CTNNA3: variants seen among roughly 807,000 people sequenced by gnomAD.
The protein encoded by CTNNA3 is catenin alpha 3.
In CTNNA3, 76 loss-of-function variants were observed where a neutral mutation model predicts 95.7. The ratio of observed to expected loss-of-function variants is 0.79; its 90% CI spans 0.66 to 0.96. The LOEUF (loss-of-function observed/expected upper bound fraction) is 0.96, where lower values mean the gene tolerates loss of function less well. Among genes scored for constraint, CTNNA3 ranks in the 40% least tolerant of loss-of-function variants. CTNNA3 has a pLI of 0.00. For synonymous variants in CTNNA3, 431 were observed against 374.4 expected (o/e 1.15, Z -1.74); for missense variants, 1,191 against 1,089.8 (o/e 1.09, Z -1.31).
At position 66,385,668 on chromosome 10, in the gene CTNNA3, T is replaced by G. The variant is rs904155320; in HGVS notation, c.1532-6316A>C. Among the ~76,000 whole-genome samples, 16 of 152,300 alleles carry G rather than the reference T, an allele frequency of 1.1e-4. No homozygotes were observed. The East Asian group carries it at 3.1e-3, about 29-fold the overall frequency. ...GAGAATTTTAGATCAATATCCCTGA[T>G]GAAGATTGATGTGAAAATCCTTAGT... On this transcript the variant is annotated intron_variant, in intron 11 of 17. Coordinates refer to ENST00000433211, the MANE Select transcript of CTNNA3 (RefSeq NM_013266.4).
intron 10 of CTNNA3, among the ~76,000 whole-genome samples, chr10:66,522,160 T>C (rs551484518): frequency 6.6e-6 from 1 of 152,240 alleles, no homozygotes; most frequent in South Asian, 2.1e-4. Flanking sequence ...TTCAACATCA[T>C]CTCATCTCTT....
intron 12 of CTNNA3, among the ~76,000 whole-genome samples, chr10:66,343,750 T>C (rs1294120176): frequency 6.6e-6 from 1 of 152,178 alleles, no homozygotes. Context: ...AAAGAAACGA[T>C]AAATCTTTGA....
intron 7 of CTNNA3, among the ~76,000 whole-genome samples, chr10:67,137,303 T>C (rs969661638): frequency 5.8e-5 from 6 of 103,136 alleles, no homozygotes; most frequent in African/African-American, 3.1e-4. Flanking sequence ...TTGTTGCATT[T>C]TCTGTATTAA....
At chr10:67,629,261 T>C (rs1008087624) in intron 2 of CTNNA3, among the ~76,000 whole-genome samples, 7 of 152,186 alleles carry the variant, frequency 4.6e-5, no homozygotes, top group African/African-American at 1.4e-4. Flanking sequence ...CTTTTCTCAA[T>C]TGATTTTTCA....
At chr10:66,690,475 G>T (rs10997308) in intron 9 of CTNNA3, among the ~76,000 whole-genome samples, 1 of 122,328 alleles carries the variant, frequency 8.2e-6, no homozygotes, top group African/African-American at 3.0e-5. Context: ...TCCCTCCCCC[G>T]TCCCCCCACC....
At chr10:66,680,402 A>T (rs374848182) in intron 9 of CTNNA3, among the ~76,000 whole-genome samples, 2 of 152,096 alleles carry the variant, frequency 1.3e-5, no homozygotes, top group South Asian at 2.1e-4. Context: ...ATATCCATCA[A>T]TGTAAGGTGA....
In CTNNA3 at chr10:66,992,553, A is replaced by G. The variant is rs78927571; in HGVS notation, c.1047+187764T>C. Among the ~76,000 whole-genome samples the G allele has an allele frequency of 6.2e-3, 947 of 152,042 alleles. 8 individuals carry two copies. Among genetic ancestry groups the G allele is most frequent in the African/African-American group, 0.022 (904 of 41,464 alleles). On this transcript the variant is annotated intron_variant, in intron 7 of 17. Transcript: ENST00000433211. ...TGTCCTTTACTTTTTTTTTAATGGCAACAGAAATTTAAATTCTAATGAATA... is the reference window on the plus strand; with the variant it reads ...TGTCCTTTACTTTTTTTTTAATGGCGACAGAAATTTAAATTCTAATGAATA...
chr10:67,751,192 C>T, intron 1 of CTNNA3: 1 of 1,279,658 alleles, frequency 7.8e-7, no homozygotes, highest in Middle Eastern at 1.9e-4. Flanking sequence ...ATGTTGCAAT[C>T]CTCTCATTTG....
rs554542301 is a variant in CTNNA3 at position 67,495,507 on chromosome 10, C to T, written c.579+26335G>A. Among the ~76,000 whole-genome samples the T allele has an allele frequency of 7.6e-4, 116 of 152,264 alleles. 1 individual carries two copies. Among genetic ancestry groups the T allele is most frequent in the African/African-American group, 2.6e-3 (106 of 41,546 alleles). ...GCAGTAAATTCTATCATGTCTCCTA[C>T]CCTGGAGGAATGGGCGGGTAGTGGC... On this transcript the variant is annotated intron_variant, in intron 5 of 17. Coordinates refer to ENST00000433211, the MANE Select transcript of CTNNA3 (RefSeq NM_013266.4).
At position 66,828,828 on chromosome 10, in the gene CTNNA3, C is replaced by T. The variant is rs1385752563; in HGVS notation, c.1048-53304G>A. ...AGATTGATTTCTGATTCTAGTGAAA[C>T]CAGAGTTACAGGGTCAGCCCCCATA... On this transcript the variant is annotated intron_variant, in intron 7 of 17. Transcript: ENST00000433211. 2.6e-5 allele frequency among the ~76,000 whole-genome samples: 4 copies of T among 152,170 alleles called. No individual in the cohort carries two copies. The East Asian group carries it at 7.7e-4, about 29-fold the overall frequency.
chr10:66,141,766 T>C (rs1413517728), intron 13 of CTNNA3, among the ~76,000 whole-genome samples: 1 of 152,160 alleles, frequency 6.6e-6, no homozygotes, highest in African/African-American at 2.4e-5. Flanking sequence ...TGACTTAAAA[T>C]TGTACTTAGA....
chr10:66,759,431 C>G (rs1420836495), intron 9 of CTNNA3, among the ~76,000 whole-genome samples: 1 of 152,138 alleles, frequency 6.6e-6, no homozygotes, highest in Non-Finnish European at 1.5e-5. Flanking sequence ...CAATAAATCA[C>G]GTTGTTGTCC....
In CTNNA3 at chr10:66,285,214, TA is replaced by T. The variant is rs556250520; in HGVS notation, c.1733-4594del. ...GAATATCTGGAATATCTTCAAAAAG[TA>T]AAAAATAAAATACTAGAGAGAAAGG... On this transcript the variant is annotated intron_variant, in intron 12 of 17. Coordinates refer to ENST00000433211, the MANE Select transcript of CTNNA3 (RefSeq NM_013266.4). Among the ~76,000 whole-genome samples, 319 of 151,934 alleles carry T rather than the reference TA, an allele frequency of 2.1e-3. 2 individuals carry two copies. Among genetic ancestry groups the T allele is most frequent in the African/African-American group, 7.4e-3 (307 of 41,512 alleles).
chr10:66,939,665 C>T (rs1847894123), intron 7 of CTNNA3, among the ~76,000 whole-genome samples: 1 of 152,188 alleles, frequency 6.6e-6, no homozygotes, highest in Admixed American at 6.5e-5. Flanking sequence ...TATCCCTTTT[C>T]ATGTGAAGTA....
chr10:66,618,381 G>A (rs929107936), intron 10 of CTNNA3, among the ~76,000 whole-genome samples: 3 of 151,982 alleles, frequency 2.0e-5, no homozygotes, highest in African/African-American at 7.3e-5. Context: ...CAATGGAACA[G>A]AACAGAGCCC....
chr10:66,387,069 T>C (rs1031644503), intron 11 of CTNNA3, among the ~76,000 whole-genome samples: 4 of 151,988 alleles, frequency 2.6e-5, no homozygotes, highest in Admixed American at 6.6e-5. Context: ...CCAAACACAA[T>C]GGCAACAAAA....
At chr10:66,437,360 T>C in intron 11 of CTNNA3, among the ~76,000 whole-genome samples, 1 of 152,170 alleles carries the variant, frequency 6.6e-6, no homozygotes, top group Non-Finnish European at 1.5e-5. Context: ...CATAGTCTCA[T>C]ATTTCTTGGA....
intron 7 of CTNNA3, among the ~76,000 whole-genome samples, chr10:66,882,359 C>A (rs532684553): frequency 6.6e-6 from 1 of 152,214 alleles, no homozygotes; most frequent in Non-Finnish European, 1.5e-5. Context: ...CAATACAACA[C>A]AAAGACTGGC....
chr10:66,746,090 T>C (rs1838860030), intron 9 of CTNNA3, among the ~76,000 whole-genome samples: 3 of 152,156 alleles, frequency 2.0e-5, no homozygotes, highest in African/African-American at 7.2e-5. Context: ...GTTTGCCAAA[T>C]GAAAAAGAAA....
Sources: gnomAD v4.1 joint callset for allele counts (sites outside exome capture counted in the v4.1 genomes callset) on GRCh38, gnomAD v4.1.1 for gene constraint, MANE v1.5 for transcripts, NCBI Gene and HGNC (gene_info 2026-07-23, HGNC 2026-07-21) for gene names.